Variants in GRAMD2B observed in about 807,000 individuals in gnomAD.
GRAMD2B encodes the protein GRAM domain containing 2B.
In GRAMD2B, 41 loss-of-function variants were observed where a neutral mutation model predicts 59.2. That is an observed-to-expected ratio of 0.69 (90% confidence interval 0.54 to 0.90). The LOEUF (loss-of-function observed/expected upper bound fraction) is 0.90, where lower values mean the gene tolerates loss of function less well. Among genes scored for constraint, GRAMD2B ranks in the 40% least tolerant of loss-of-function variants. GRAMD2B has a pLI of 0.00. For missense variants in GRAMD2B, 424 were observed against 500.5 expected (o/e 0.85, Z 1.46); for synonymous variants, 161 against 182.7 (o/e 0.88, Z 0.96).
chr5:126,369,660 T>C (rs558401921), upstream of GRAMD2B, among the ~76,000 whole-genome samples: 1 of 152,344 alleles, frequency 6.6e-6, no homozygotes, highest in African/African-American at 2.4e-5. Flanking sequence ...TATATATCAG[T>C]TGATTGAGTG....
At chr5:126,460,196 C>T (rs1444671029) in intron 1 of GRAMD2B, among the ~76,000 whole-genome samples, 1 of 152,164 alleles carries the variant, frequency 6.6e-6, no homozygotes, top group Non-Finnish European at 1.5e-5. Context: ...AAAATGCACA[C>T]GTTTACATAC....
intron 1 of GRAMD2B, among the ~76,000 whole-genome samples, chr5:126,409,110 TCCAAGTC>T: frequency 1.3e-5 from 2 of 151,978 alleles, no homozygotes; most frequent in Non-Finnish European, 2.9e-5. Flanking sequence ...TTGGGTTGGT[TCCAAGTC>T]TTTGCTATTG....
At chr5:126,441,160 A>G (rs1763223439) in intron 1 of GRAMD2B, among the ~76,000 whole-genome samples, 1 of 152,182 alleles carries the variant, frequency 6.6e-6, no homozygotes, top group South Asian at 2.1e-4. Flanking sequence ...ACATAATTAT[A>G]TATTTTTTTC....
intron 1 of GRAMD2B, among the ~76,000 whole-genome samples, chr5:126,403,453 G>A (rs1271352916): frequency 1.3e-5 from 2 of 151,976 alleles, no homozygotes. Flanking sequence ...CCTGTACTAT[G>A]CAGAGTGTTT....
rs146511811 is a variant in GRAMD2B, at chr5:126,425,898, G to A, written c.83+2209G>A. 1.5e-3 allele frequency among the ~76,000 whole-genome samples: 228 copies of A among 152,238 alleles called. 2 individuals are homozygous for A. Among genetic ancestry groups the A allele is most frequent in the African/African-American group, 5.2e-3 (216 of 41,546 alleles). On this transcript the variant is annotated intron_variant, in intron 1 of 13. Coordinates refer to ENST00000285689, the MANE Select transcript of GRAMD2B (RefSeq NM_023927.4). ...GAGGGAATAGGGAGTTGATCAGAGG[G>A]TACGAAGTTTCAGTTAGGAGGAATA...
chr5:126,412,872 T>C (rs570671451), intron 1 of GRAMD2B, among the ~76,000 whole-genome samples: 1 of 152,254 alleles, frequency 6.6e-6, no homozygotes, highest in East Asian at 1.9e-4. Flanking sequence ...AGCCATATCC[T>C]CTAGAGTTTA....
intron 1 of GRAMD2B, among the ~76,000 whole-genome samples, chr5:126,454,541 T>A (rs1195867831): frequency 6.6e-6 from 1 of 152,158 alleles, no homozygotes; most frequent in East Asian, 1.9e-4. Context: ...CTTTTTGGAG[T>A]TATATGAGTT....
intron 1 of GRAMD2B, among the ~76,000 whole-genome samples, chr5:126,447,524 C>A (rs568928751): frequency 1.3e-5 from 2 of 151,956 alleles, no homozygotes; most frequent in Non-Finnish European, 2.9e-5. Flanking sequence ...ATTAGCCGGG[C>A]GTGGTGGCGG....
intron 1 of GRAMD2B, among the ~76,000 whole-genome samples, chr5:126,392,314 G>A (rs1266636418): frequency 1.3e-5 from 2 of 152,144 alleles, no homozygotes; most frequent in African/African-American, 4.8e-5. Context: ...TGGATCACAG[G>A]GGGAAAGACA....
chr5:126,383,316 C>G (rs1262145669), intron 1 of GRAMD2B, among the ~76,000 whole-genome samples: 1 of 152,154 alleles, frequency 6.6e-6, no homozygotes. Context: ...CAAAACCAGG[C>G]AAATGTAATT....
chr5:126,449,892 G>A (rs1765023604), intron 1 of GRAMD2B, among the ~76,000 whole-genome samples: 1 of 151,804 alleles, frequency 6.6e-6, no homozygotes. Context: ...GCTCTGCACT[G>A]TAAGATCAGA....
chr5:126,465,695 A>AC, intron 2 of GRAMD2B, 150 bp downstream of exon 2: 1 of 699,748 alleles, frequency 1.4e-6, no homozygotes, highest in South Asian at 2.1e-5. Flanking sequence ...TTTCCCTGAT[A>AC]CCCAGGTAGC....
At chr5:126,378,931 T>C (rs1332832374) in intron 1 of GRAMD2B, among the ~76,000 whole-genome samples, 1 of 152,216 alleles carries the variant, frequency 6.6e-6, no homozygotes, top group Non-Finnish European at 1.5e-5. Flanking sequence ...CAGTACGTTT[T>C]TGGGAAACAG....
chr5:126,456,813 C>T (rs76848574), intron 1 of GRAMD2B, among the ~76,000 whole-genome samples: 5,451 of 152,270 alleles, frequency 0.036, 115 homozygotes, highest in Middle Eastern at 0.048. Flanking sequence ...TTAGTAACCG[C>T]TGCCATTTTA....
chr5:126,401,278 T>C (rs1757811145), intron 1 of GRAMD2B, among the ~76,000 whole-genome samples: 1 of 152,048 alleles, frequency 6.6e-6, no homozygotes, highest in Non-Finnish European at 1.5e-5. Context: ...AGCTCCAGAA[T>C]TTGTTTGGTT....
chr5:126,416,796 C>T (rs1759303319), intron 1 of GRAMD2B, among the ~76,000 whole-genome samples: 3 of 152,208 alleles, frequency 2.0e-5, no homozygotes. Flanking sequence ...CTCCTCTTCA[C>T]TGAAGGCTCA....
chr5:126,378,945 G>C (rs1326624304), intron 1 of GRAMD2B, among the ~76,000 whole-genome samples: 1 of 152,128 alleles, frequency 6.6e-6, no homozygotes, highest in Non-Finnish European at 1.5e-5. Flanking sequence ...GAAACAGGTA[G>C]TGTTTGGTTA....
At chr5:126,419,317 T>TGAGAGA (rs370172750), upstream of GRAMD2B, among the ~76,000 whole-genome samples, 1 of 143,876 alleles carries the variant, frequency 7.0e-6, no homozygotes, top group African/African-American at 2.6e-5. Context: ...GAGAGAGAGG[T>TGAGAGA]GAGAGAGAGA....
chr5:126,482,987 G>A (rs1014927779), intron 8 of GRAMD2B, among the ~76,000 whole-genome samples: 5 of 152,164 alleles, frequency 3.3e-5, no homozygotes, highest in African/African-American at 1.2e-4. Context: ...TACTTTCAGG[G>A]TCTAATTGGC....
Sources: gnomAD v4.1 joint callset for allele counts (sites outside exome capture counted in the v4.1 genomes callset) on GRCh38, gnomAD v4.1.1 for gene constraint, MANE v1.5 for transcripts, NCBI Gene and HGNC (gene_info 2026-07-23, HGNC 2026-07-21) for gene names.